Variants in PAK3 observed in about 807,000 individuals in gnomAD.
PAK3 encodes the protein serine/threonine-protein kinase PAK 3.
A neutral mutation model predicts 41.0 loss-of-function variants in PAK3; 4 were observed. The observed-to-expected ratio is 0.10, with a 90% CI of 0.05 to 0.22. PAK3 has a LOEUF of 0.22. PAK3 is among the 10% of genes least tolerant of loss of function. The probability of loss-of-function intolerance (pLI) is 1.00; values close to 1 mark genes in which losing one functional copy is unlikely to be tolerated. For synonymous variants in PAK3, 146 were observed against 139.6 expected (o/e 1.05, Z -0.32); for missense variants, 205 against 409.9 (o/e 0.50, Z 4.32).
intron 1 of PAK3, among the ~76,000 whole-genome samples, chrX:110,972,737 T>C (rs1043747222): frequency 1.8e-5 from 2 of 111,770 alleles, no homozygotes; most frequent in African/African-American, 6.5e-5. Context: ...GAAGTAGGCT[T>C]CAGAAGGTTG....
At chrX:111,122,128 T>C (rs1241621467) in intron 4 of PAK3, among the ~76,000 whole-genome samples, 3 of 106,451 alleles carry the variant, frequency 2.8e-5, no homozygotes, top group Admixed American at 1.0e-4. Context: ...TGGTGGTGGG[T>C]GCCTGTAGTC....
In PAK3 at chrX:111,163,087, C is replaced by G. The variant is rs201574968; in HGVS notation, c.600+41C>G. 1.4e-3 allele frequency: 1,622 copies of G among 1,143,362 alleles called. 4 individuals carry two copies. Among genetic ancestry groups the G allele is most frequent in the Non-Finnish European group, 1.8e-3 (1,510 of 835,001 alleles). 94.2% of individuals were successfully genotyped at this position (1,143,362 alleles called of 1,213,427 possible). On this transcript the variant is annotated intron_variant, in intron 9 of 17. Transcript: ENST00000372007. Reference sequence around the variant, plus strand: ...CTATTTCCAAATGATTCAAAAGATGCCCTTTGGAATAGTCATAGAGTTAGA... The same window carrying G: ...CTATTTCCAAATGATTCAAAAGATGGCCTTTGGAATAGTCATAGAGTTAGA...
chrX:111,146,600 G>A lies in PAK3; in HGVS notation c.277-1137G>A. ...AGGCCCAAAAGAAGCTTGCATCAAA[G>A]TGCTTCTTTGAGATGTCATAGCACT... On this transcript the variant is annotated intron_variant, in intron 6 of 17. Coordinates refer to ENST00000372007, the MANE Select transcript of PAK3 (RefSeq NM_002578.5). The A allele has an allele frequency of 5.5e-6, 5 of 911,777 alleles. No individual in the cohort carries two copies. The South Asian group carries it at 1.2e-4, about 22-fold the overall frequency. 75.1% of individuals were successfully genotyped at this position (911,777 alleles called of 1,213,427 possible). A position where few individuals can be genotyped will look rare whatever the true frequency, so the allele number is the denominator to read the frequency against.
intron 1 of PAK3, among the ~76,000 whole-genome samples, chrX:111,025,876 G>A (rs374835665): frequency 1.1e-4 from 12 of 107,022 alleles, no homozygotes; most frequent in Non-Finnish European, 1.5e-4. Context: ...CCAATATCCC[G>A]AAAGTAGGAC....
chrX:111,051,714 T>TGTGTGC (rs936360144), intron 1 of PAK3, among the ~76,000 whole-genome samples: 3 of 110,664 alleles, frequency 2.7e-5, no homozygotes, highest in African/African-American at 9.9e-5. Flanking sequence ...TGTGTGTGTG[T>TGTGTGC]GTGTGTAAGC....
At chrX:111,137,931 T>C (rs1569392483) in intron 5 of PAK3, among the ~76,000 whole-genome samples, 1 of 111,678 alleles carries the variant, frequency 9.0e-6, no homozygotes, top group South Asian at 3.8e-4. Flanking sequence ...GCTCACAGAA[T>C]TTTGCAGGGT....
At chrX:111,057,494 A>G (rs1603041837) in intron 1 of PAK3, among the ~76,000 whole-genome samples, 1 of 111,569 alleles carries the variant, frequency 9.0e-6, no homozygotes, top group East Asian at 2.8e-4. Flanking sequence ...CTCTTACATA[A>G]ATGCCAGTTA....
intron 1 of PAK3, among the ~76,000 whole-genome samples, chrX:111,008,563 G>A (rs1459402222): frequency 1.8e-5 from 2 of 112,617 alleles, no homozygotes; most frequent in East Asian, 5.7e-4. Context: ...ATGAAGCAGA[G>A]AGCACTATGC....
In PAK3 at chrX:111,130,640, A is replaced by C. The variant is rs758254523; in HGVS notation, c.175+7362A>C. Among the ~76,000 whole-genome samples, 3 of 111,963 alleles carry C rather than the reference A, an allele frequency of 2.7e-5. No homozygotes were observed. The South Asian group carries it at 1.1e-3, about 42-fold the overall frequency. Reference sequence around the variant, plus strand: ...TTTTGAGATTTGCTAATATAATAAAAGATATTATAATAAGAGCAGTGAATG... The same window carrying C: ...TTTTGAGATTTGCTAATATAATAAACGATATTATAATAAGAGCAGTGAATG... On this transcript the variant is annotated intron_variant, in intron 5 of 17. Transcript: ENST00000372007.
intron 1 of PAK3, among the ~76,000 whole-genome samples, chrX:110,950,796 C>A (rs1170336063): frequency 9.0e-6 from 1 of 111,358 alleles, no homozygotes; most frequent in African/African-American, 3.3e-5. Flanking sequence ...CCACTGTGAG[C>A]AATTTTGTCA....
Position 111,064,257 on chromosome X carries a change from T to C in PAK3, c.-27-58820T>C, listed in dbSNP as rs769762761. ...GGACTCGTTGAGGAAGAAAAGGAGA[T>C]CATTTTATTTATTTACTTATTTTTT... On this transcript the variant is annotated intron_variant, in intron 1 of 14. Coordinates refer to the PAK3 transcript ENST00000425146. Among the ~76,000 whole-genome samples, 135 of 112,031 alleles carry C rather than the reference T, an allele frequency of 1.2e-3. 1 individual carries two copies. The highest frequency in any genetic ancestry group is 4.2e-3 in the African/African-American group (131 of 30,885).
chrX:111,028,375 G>A (rs1179539759), intron 1 of PAK3, among the ~76,000 whole-genome samples: 1 of 110,037 alleles, frequency 9.1e-6, no homozygotes, highest in Non-Finnish European at 1.9e-5. Context: ...AAAACCACCT[G>A]TTCCCCAAAA....
At chrX:111,103,559 C>T (rs2093189808) in intron 4 of PAK3, among the ~76,000 whole-genome samples, 1 of 111,819 alleles carries the variant, frequency 8.9e-6, no homozygotes, top group Non-Finnish European at 1.9e-5. Flanking sequence ...ACATAACAAT[C>T]GTTGCCAAGT....
chrX:110,956,682 C>T (rs1418003509), intron 1 of PAK3, among the ~76,000 whole-genome samples: 1 of 111,442 alleles, frequency 9.0e-6, no homozygotes, highest in Non-Finnish European at 1.9e-5. Flanking sequence ...GGAGCCTGGT[C>T]CCATGAAGCA....
intron 1 of PAK3, among the ~76,000 whole-genome samples, chrX:110,988,152 G>A (rs977752203): frequency 8.9e-6 from 1 of 112,593 alleles, no homozygotes; most frequent in Non-Finnish European, 1.9e-5. Context: ...CCTGGGCCTT[G>A]CCCTAAAGAA....
intron 7 of PAK3, among the ~76,000 whole-genome samples, chrX:111,149,503 C>A (rs2093996877): frequency 8.9e-6 from 1 of 112,252 alleles, no homozygotes; most frequent in African/African-American, 3.2e-5. Flanking sequence ...TTTGCCTGAG[C>A]ATCCAGGCAT....
chrX:111,108,803 A>G (rs996740701), intron 4 of PAK3, among the ~76,000 whole-genome samples: 1 of 112,585 alleles, frequency 8.9e-6, no homozygotes, highest in Non-Finnish European at 1.9e-5. Flanking sequence ...AAGGCAATTT[A>G]TATAATTTGC....
intron 1 of PAK3, among the ~76,000 whole-genome samples, chrX:110,964,221 T>G (rs111738848): frequency 8.9e-6 from 1 of 112,089 alleles, no homozygotes; most frequent in African/African-American, 3.2e-5. Flanking sequence ...TCGATGAAGC[T>G]AAGGTTTGAA....
intron 1 of PAK3, among the ~76,000 whole-genome samples, chrX:111,019,813 G>A (rs1417539375): frequency 9.1e-6 from 1 of 109,752 alleles, no homozygotes; most frequent in Non-Finnish European, 1.9e-5. Context: ...GACATCACTA[G>A]TCATTGGAGA....
Sources: gnomAD v4.1 joint callset for allele counts (sites outside exome capture counted in the v4.1 genomes callset) on GRCh38, gnomAD v4.1.1 for gene constraint, MANE v1.5 for transcripts, NCBI Gene and HGNC (gene_info 2026-07-23, HGNC 2026-07-21) for gene names.